Variants in ZNF780B observed in about 807,000 individuals in gnomAD.
ZNF780B encodes zinc finger protein 779.
Under a neutral mutation model 74.1 loss-of-function variants are expected in ZNF780B, and 52 were observed. That is an observed-to-expected ratio of 0.70 (90% confidence interval 0.56 to 0.88). The LOEUF (loss-of-function observed/expected upper bound fraction) is 0.88, where lower values mean the gene tolerates loss of function less well. ZNF780B is among the 40% of genes least tolerant of loss of function. ZNF780B has a pLI of 0.00. For missense variants in ZNF780B, 953 were observed against 1,007.6 expected (o/e 0.95, Z 0.73); for synonymous variants, 315 against 324.3 (o/e 0.97, Z 0.31).
rs768542022 is a variant in ZNF780B, at chr19:40,036,493, T to C, written c.366A>G (p.Ser122=). 6.2e-7 allele frequency: 1 copy of C among 1,610,560 alleles called. No individual in the cohort carries two copies. Among genetic ancestry groups the C allele is most frequent in the South Asian group, 1.1e-5 (1 of 89,878 alleles). ...GLEAFYFRND[S]EYRSRFEGRQ... is the part of the protein sequence containing the mutation. Reference sequence around the variant, plus strand: ...GTCCCTCAAATCTACTTCTATATTCTGAGTCATTTCTAAAATAAAAGGCCT... The same window carrying C: ...GTCCCTCAAATCTACTTCTATATTCCGAGTCATTTCTAAAATAAAAGGCCT... Residue 122 remains serine, a synonymous_variant, in exon 5 of 5, where the codon TCA becomes TCG. Transcript: ENST00000434248.
intron 4 of ZNF780B, among the ~76,000 whole-genome samples, chr19:40,039,327 GT>G (rs1972515888): frequency 6.6e-6 from 1 of 152,222 alleles, no homozygotes; most frequent in Non-Finnish European, 1.5e-5. Flanking sequence ...TTGTAGTATA[GT>G]TTGAAGTCAG....
intron 1 of ZNF780B, among the ~76,000 whole-genome samples, chr19:40,055,158 T>C (rs764828381): frequency 6.6e-6 from 1 of 151,346 alleles, no homozygotes; most frequent in Non-Finnish European, 1.5e-5. Context: ...TATAAACCTC[T>C]GGAGGACTAT....
chr19:40,036,296 G>A lies in ZNF780B; in HGVS notation c.563C>T (p.Thr188Ile). The A allele has an allele frequency of 6.2e-7, 1 of 1,613,712 alleles. No homozygotes were observed. Among genetic ancestry groups the A allele is most frequent in the South Asian group, 1.1e-5 (1 of 90,964 alleles). ...TTTGCATTTATAGGGTTTCTCTCCA[G>A]TATGAATACTCTGATGCTGAATAAG... ...SNLIQHQSIHTGEKPYKCKEC... is the reference protein window; with the variant it reads ...SNLIQHQSIHIGEKPYKCKEC... Residue 188 changes from threonine (T) to isoleucine (I), a missense_variant, in exon 5 of 5, where the codon ACT (threonine) becomes ATT (isoleucine). Thr to Ile is a moderately conservative substitution (Grantham distance 89, BLOSUM62 -1). Transcript: ENST00000434248.
chr19:40,044,674 A>G (rs1972850710), intron 4 of ZNF780B, among the ~76,000 whole-genome samples: 1 of 152,254 alleles, frequency 6.6e-6, no homozygotes, highest in Admixed American at 6.5e-5. Flanking sequence ...AAAACACACA[A>G]AAGTATAAAA....
intron 1 of ZNF780B, among the ~76,000 whole-genome samples, chr19:40,054,293 G>T (rs1239763184): frequency 2.0e-5 from 3 of 152,156 alleles, no homozygotes; most frequent in Admixed American, 2.0e-4. Flanking sequence ...AGGAAGATAA[G>T]AGAAATAAGC....
intron 4 of ZNF780B, among the ~76,000 whole-genome samples, chr19:40,043,712 C>T (rs900946587): frequency 1.2e-4 from 18 of 152,224 alleles, no homozygotes; most frequent in African/African-American, 2.9e-4. Flanking sequence ...GAGCCATGTG[C>T]GGGATATAAT....
intron 1 of ZNF780B, 129 bp from the exon 2 acceptor site, chr19:40,050,506 C>A: frequency 1.1e-6 from 1 of 917,462 alleles, no homozygotes; most frequent in Non-Finnish European, 1.6e-6. Flanking sequence ...CCACCCTTCT[C>A]CCGTCACTCC....
Position 40,030,883 on chromosome 19 carries a change from G to T in ZNF780B, c.*3474C>A, listed in dbSNP as rs535243323. On this transcript the variant is annotated 3_prime_UTR_variant, in exon 5 of 5. Transcript: ENST00000434248. ...GAATGGATAGAAAAAAGATGAAACT[G>T]GAAATAAAAAATAGGAACATAAGAT... 1.3e-5 allele frequency: 2 copies of T among 151,876 alleles called. No individual in the cohort carries two copies. The highest frequency in any genetic ancestry group is 3.9e-4 in the East Asian group (2 of 5,184). 9.4% of individuals were successfully genotyped at this position (151,876 alleles called of 1,614,324 possible).
rs1599752688 is a variant in ZNF780B, at chr19:40,029,113, C to G, written c.*5244G>C. 6.6e-6 allele frequency: 1 copy of G among 152,284 alleles called. No homozygotes were observed. The highest frequency in any genetic ancestry group is 1.5e-5 in the Non-Finnish European group (1 of 68,018). The allele number at this position is 152,284 out of a possible 1,614,324, so 9.4% of individuals were successfully genotyped here. A position where few individuals can be genotyped will look rare whatever the true frequency, so the allele number is the denominator to read the frequency against. ...CATTTTGATCAATTACAAATGAAGA[C>G]AGTGAATCCCTGAGACCACAACTTG... On this transcript the variant is annotated 3_prime_UTR_variant, in exon 5 of 5. Transcript: ENST00000434248.
At chr19:40,037,140 C>T (rs898853060) in intron 4 of ZNF780B, among the ~76,000 whole-genome samples, 2 of 151,918 alleles carry the variant, frequency 1.3e-5, no homozygotes, top group Admixed American at 6.6e-5. Flanking sequence ...GTCTGGAATG[C>T]CTAACATCAG....
At chr19:40,037,177 A>C (rs1033825922) in intron 4 of ZNF780B, among the ~76,000 whole-genome samples, 1 of 151,018 alleles carries the variant, frequency 6.6e-6, no homozygotes, top group African/African-American at 2.4e-5. Context: ...GGCCTCCCAA[A>C]GTGCTGGGAT....
At chr19:40,055,624 G>A (rs1285911643) in intron 1 of ZNF780B, 1 of 152,206 alleles carries the variant, frequency 6.6e-6, no homozygotes, top group Non-Finnish European at 1.5e-5. Flanking sequence ...ATCGGTCTGA[G>A]TTCGAAGCTG....
intron 3 of ZNF780B, 104 bp from the exon 4 acceptor site, chr19:40,047,574 T>C (rs1972991340): frequency 1.0e-5 from 7 of 674,994 alleles, no homozygotes; most frequent in African/African-American, 1.8e-5. Context: ...CAAAACAATA[T>C]TGAGAAGAGA....
chr19:40,047,021 T>C (rs1972962380), intron 4 of ZNF780B, among the ~76,000 whole-genome samples: 1 of 152,210 alleles, frequency 6.6e-6, no homozygotes, highest in African/African-American at 2.4e-5. Flanking sequence ...GGAAGACTAC[T>C]TGAGGCCAAG....
At chr19:40,053,495 G>T (rs1973333255) in intron 1 of ZNF780B, among the ~76,000 whole-genome samples, 1 of 152,152 alleles carries the variant, frequency 6.6e-6, no homozygotes, top group African/African-American at 2.4e-5. Context: ...ATGGAAAACA[G>T]CATGGAGGTT....
rs938982998 is a variant in ZNF780B, at chr19:40,033,940, C to T, written c.*417G>A. ...CCACATTCTTTACATTCATACGGTT[C>T]ATACCAGTATGAATTCTTTGATGTG... On this transcript the variant is annotated 3_prime_UTR_variant, in exon 5 of 5. Transcript: ENST00000434248. 8.3e-6 allele frequency: 2 copies of T among 242,350 alleles called. No individual in the cohort carries two copies. The highest frequency in any genetic ancestry group is 1.6e-5 in the Non-Finnish European group (2 of 121,216). The allele number at this position is 242,350 out of a possible 1,614,324, so 15.0% of individuals were successfully genotyped here. A position where few individuals can be genotyped will look rare whatever the true frequency, so the allele number is the denominator to read the frequency against.
At chr19:40,047,320 C>T in intron 4 of ZNF780B, 55 bp downstream of exon 4, 2 of 1,463,178 alleles carry the variant, frequency 1.4e-6, no homozygotes, top group Non-Finnish European at 1.9e-6. Flanking sequence ...TCTCTGAGCA[C>T]ATGGGCTGTC....
chr19:40,056,002 A>G, intron 1 of ZNF780B, 187 bp downstream of exon 1: 1 of 152,740 alleles, frequency 6.5e-6, no homozygotes, highest in Non-Finnish European at 1.5e-5. Flanking sequence ...AGATCGCGCA[A>G]TCCCCATCCT....
At position 40,029,919 on chromosome 19, in the gene ZNF780B, A is replaced by G. The variant is rs1971960913; in HGVS notation, c.*4438T>C. ...TATGTCAATTTGAGCATAAATAATA[A>G]TAATTACTACAGGTGCTTCTCAACT... On this transcript the variant is annotated 3_prime_UTR_variant, in exon 5 of 5. Coordinates refer to ENST00000434248, the MANE Select transcript of ZNF780B (RefSeq NM_001005851.3). 1 of 152,334 alleles carries G rather than the reference A, an allele frequency of 6.6e-6. No homozygotes were observed. Among genetic ancestry groups the G allele is most frequent in the East Asian group, 1.9e-4 (1 of 5,190 alleles). The allele number at this position is 152,334 out of a possible 1,614,324, so 9.4% of individuals were successfully genotyped here.
Sources: allele counts gnomAD v4.1 joint callset (sites outside exome capture counted in the v4.1 genomes callset), GRCh38; gene constraint gnomAD v4.1.1; transcripts MANE v1.5; gene names NCBI Gene and HGNC (gene_info 2026-07-23, HGNC 2026-07-21).